Variants in OR51B5 observed in about 807,000 individuals in gnomAD.
The protein encoded by OR51B5 is olfactory receptor family 51 subfamily B member 5, also known as olfactory receptor 51B5.
For synonymous variants in OR51B5, 186 were observed against 144.8 expected, an observed-to-expected ratio of 1.28 and a Z score of -2.04; for missense variants, 456 against 374.6, an observed-to-expected ratio of 1.22 and a Z score of -1.79.
chr11:5,382,549 A>G (rs1000047262), intron 1 of OR51B5, among the ~76,000 whole-genome samples: 1 of 152,188 alleles, frequency 6.6e-6, no homozygotes, highest in Non-Finnish European at 1.5e-5. Flanking sequence ...GTCCTTGGCT[A>G]GGATCCCAGT....
intron 1 of OR51B5, among the ~76,000 whole-genome samples, chr11:5,409,025 A>G (rs4635111): frequency 0.41 from 61,891 of 151,910 alleles, 13,547 homozygotes; most frequent in Non-Finnish European, 0.5. Flanking sequence ...TCTTGGTGGT[A>G]CTAACCTTTT....
At chr11:5,381,377 T>C (rs1403884908) in intron 1 of OR51B5, among the ~76,000 whole-genome samples, 3 of 152,172 alleles carry the variant, frequency 2.0e-5, no homozygotes, top group Non-Finnish European at 4.4e-5. Flanking sequence ...GCACCCACAT[T>C]CACTTCACCT....
At chr11:5,378,667 T>C (rs1009995308) in intron 1 of OR51B5, among the ~76,000 whole-genome samples, 7 of 152,168 alleles carry the variant, frequency 4.6e-5, no homozygotes, top group Non-Finnish European at 1.0e-4. Flanking sequence ...GAACAGACAC[T>C]TCTCAAAAGA....
intron 1 of OR51B5, among the ~76,000 whole-genome samples, chr11:5,490,461 C>A (rs1332785680): frequency 6.6e-6 from 1 of 152,142 alleles, no homozygotes; most frequent in Non-Finnish European, 1.5e-5. Flanking sequence ...CCACACTCAT[C>A]CATTTTGAGG....
chr11:5,403,837 C>T (rs928240381), intron 1 of OR51B5, among the ~76,000 whole-genome samples: 6 of 152,028 alleles, frequency 3.9e-5, no homozygotes, highest in Admixed American at 2.0e-4. Context: ...ACACAGCACT[C>T]CTAATGAGGA....
chr11:5,418,498 G>C (rs35497472), intron 1 of OR51B5, among the ~76,000 whole-genome samples: 5 of 151,868 alleles, frequency 3.3e-5, no homozygotes, highest in Admixed American at 6.6e-5. Flanking sequence ...ATCAGTGATC[G>C]ACTGGATTAA....
At chr11:5,441,977 A>G (rs1054081955) in intron 1 of OR51B5, among the ~76,000 whole-genome samples, 3 of 152,072 alleles carry the variant, frequency 2.0e-5, no homozygotes, top group African/African-American at 7.2e-5. Context: ...ATAGCCAAAA[A>G]CTTTTCTATC....
At chr11:5,358,975 G>A (rs1183646996) in intron 1 of OR51B5, among the ~76,000 whole-genome samples, 1 of 151,424 alleles carries the variant, frequency 6.6e-6, no homozygotes, top group Non-Finnish European at 1.5e-5. Context: ...AATAAATTAG[G>A]TATTGATGGG....
chr11:5,429,740 T>G (rs1850507638), intron 1 of OR51B5, among the ~76,000 whole-genome samples: 1 of 151,852 alleles, frequency 6.6e-6, no homozygotes, highest in Admixed American at 6.6e-5. Flanking sequence ...CACAGAAGCA[T>G]GAAAGGAAGG....
chr11:5,357,620 T>C (rs1046815353), intron 1 of OR51B5, among the ~76,000 whole-genome samples: 32 of 151,830 alleles, frequency 2.1e-4, no homozygotes, highest in Non-Finnish European at 4.1e-4. Context: ...GGAATTGAAC[T>C]CAGCTCTGCA....
At chr11:5,409,136 T>G (rs1163853586) in intron 1 of OR51B5, among the ~76,000 whole-genome samples, 1 of 152,206 alleles carries the variant, frequency 6.6e-6, no homozygotes, top group Non-Finnish European at 1.5e-5. Flanking sequence ...AAAATCACTG[T>G]GTGTGTCTGT....
chr11:5,349,928 G>T (rs1325799153), intron 1 of OR51B5, among the ~76,000 whole-genome samples: 12 of 151,872 alleles, frequency 7.9e-5, no homozygotes, highest in Admixed American at 5.9e-4. Flanking sequence ...GCTGATTAGA[G>T]AAACTATAGT....
chr11:5,489,180 T>C (rs758777036), intron 1 of OR51B5: 3 of 1,612,902 alleles, frequency 1.9e-6, no homozygotes, highest in Non-Finnish European at 2.5e-6. Context: ...GTGTGGCTAT[T>C]GTCTCCCCCT....
intron 1 of OR51B5, among the ~76,000 whole-genome samples, chr11:5,362,186 A>T (rs1479300788): frequency 1.3e-5 from 2 of 152,190 alleles, no homozygotes; most frequent in Admixed American, 1.3e-4. Flanking sequence ...GATTTTGAAG[A>T]TCTCAACCAC....
At chr11:5,390,416 A>G (rs750565696) in intron 1 of OR51B5, 2 of 1,507,148 alleles carry the variant, frequency 1.3e-6, no homozygotes, top group South Asian at 1.3e-5. Context: ...GGCCTATAAG[A>G]AGGCCCCAAA....
chr11:5,502,306 C>T lies in OR51B5; in HGVS notation n.84+3263G>A, dbSNP rs1427054260. Among the ~76,000 whole-genome samples the T allele has an allele frequency of 8.5e-5, 13 of 152,252 alleles. No individual in the cohort carries two copies. In the East Asian group the frequency reaches 2.3e-3, roughly 27 times the overall value. On this transcript the variant is annotated intron_variant and non_coding_transcript_variant, in intron 1 of 4. Coordinates refer to the OR51B5 transcript ENST00000415970. ...CCCACATCACCTTGAAGCACTCTCCCTCTCATTCTCTGTACTCCAGACCCA... is the reference window on the plus strand; with the variant it reads ...CCCACATCACCTTGAAGCACTCTCCTTCTCATTCTCTGTACTCCAGACCCA...
At chr11:5,352,883 A>G (rs1849123725) in intron 1 of OR51B5, among the ~76,000 whole-genome samples, 1 of 147,976 alleles carries the variant, frequency 6.8e-6, no homozygotes, top group African/African-American at 2.5e-5. Context: ...GTGTGTTTAT[A>G]TATATTATAT....
At chr11:5,427,356 TTAGG>T (rs1850466575) in intron 1 of OR51B5, among the ~76,000 whole-genome samples, 1 of 147,290 alleles carries the variant, frequency 6.8e-6, no homozygotes, top group African/African-American at 2.5e-5. Flanking sequence ...AATTGAACAG[TTAGG>T]TAAGTGAAGT....
intron 1 of OR51B5, among the ~76,000 whole-genome samples, chr11:5,459,454 T>A (rs1442817518): frequency 6.6e-6 from 1 of 152,226 alleles, no homozygotes; most frequent in Non-Finnish European, 1.5e-5. Context: ...GGTTTTGTTA[T>A]CAGGATGACA....
Sources: allele counts gnomAD v4.1 joint callset (sites outside exome capture counted in the v4.1 genomes callset), GRCh38; gene constraint gnomAD v4.1.1; transcripts MANE v1.5; gene names NCBI Gene and HGNC (gene_info 2026-07-23, HGNC 2026-07-21).